The following CPQ variants were observed in gnomAD, a reference collection of about 807,000 sequenced individuals.
CPQ encodes Ser-Met dipeptidase.
CPQ carries 37 observed loss-of-function variants against 45.7 expected under a neutral mutation model. The observed-to-expected ratio is 0.81, with a 90% CI of 0.62 to 1.07. CPQ has a LOEUF of 1.07. CPQ is among the 50% of genes least tolerant of loss of function. The probability of loss-of-function intolerance (pLI) is 0.00; values close to 1 mark genes in which losing one functional copy is unlikely to be tolerated. For missense variants in CPQ, 537 were observed against 572.9 expected, an observed-to-expected ratio of 0.94 and a Z score of 0.64; for synonymous variants, 186 against 205.8, an observed-to-expected ratio of 0.90 and a Z score of 0.82.
intron 2 of CPQ, among the ~76,000 whole-genome samples, chr8:96,819,966 A>T (rs1357915707): frequency 6.6e-6 from 1 of 152,118 alleles, no homozygotes; most frequent in Non-Finnish European, 1.5e-5. Flanking sequence ...GGCACCCATC[A>T]AGTGGAAAGT....
chr8:96,675,197 C>T (rs754453041), intron 1 of CPQ, among the ~76,000 whole-genome samples: 3 of 152,018 alleles, frequency 2.0e-5, no homozygotes, highest in Non-Finnish European at 4.4e-5. Flanking sequence ...CCTCCTTGCT[C>T]TAAGCCACCA....
In CPQ at chr8:97,043,773, T is replaced by G. The variant is rs182993214; in HGVS notation, c.1053+14279T>G. ...AGTTTGGCTGGATATGAAATTCTGGTTTGAAAATTCTTTCCTTTAAGAATG... is the reference window on the plus strand; with the variant it reads ...AGTTTGGCTGGATATGAAATTCTGGGTTGAAAATTCTTTCCTTTAAGAATG... On this transcript the variant is annotated intron_variant, in intron 6 of 7. Coordinates refer to ENST00000220763, the MANE Select transcript of CPQ (RefSeq NM_016134.4). Among the ~76,000 whole-genome samples, 488 of 152,336 alleles carry G rather than the reference T, an allele frequency of 3.2e-3. 5 individuals are homozygous for G. The highest frequency in any genetic ancestry group is 0.013 in the Admixed American group (205 of 15,302).
At position 96,723,961 on chromosome 8, in the gene CPQ, T is replaced by C. The variant is rs538741392; in HGVS notation, c.-34-60903T>C. Among the ~76,000 whole-genome samples the C allele has an allele frequency of 1.8e-4, 27 of 152,176 alleles. No homozygotes were observed. The South Asian group carries it at 5.6e-3, about 32-fold the overall frequency. ...TTAATATAATATAATTTTTAATATA[T>C]AAGTACCCAAGAACCTACCCTAAAC... On this transcript the variant is annotated intron_variant, in intron 1 of 7. Coordinates refer to ENST00000220763, the MANE Select transcript of CPQ (RefSeq NM_016134.4).
At chr8:96,656,572 C>A (rs1815640298) in intron 1 of CPQ, among the ~76,000 whole-genome samples, 1 of 152,092 alleles carries the variant, frequency 6.6e-6, no homozygotes, top group Non-Finnish European at 1.5e-5. Context: ...TTAGAGTGGG[C>A]TCTGAGTCTG....
At chr8:97,004,420 G>C (rs753558601) in intron 5 of CPQ, among the ~76,000 whole-genome samples, 1 of 151,988 alleles carries the variant, frequency 6.6e-6, no homozygotes, top group South Asian at 2.1e-4. Context: ...ATTGGTAAGA[G>C]AGCAATGAAA....
In CPQ at chr8:96,934,364, T is replaced by C. The variant is rs1408628336; in HGVS notation, c.850-31571T>C. Among the ~76,000 whole-genome samples, 6 of 152,088 alleles carry C rather than the reference T, an allele frequency of 3.9e-5. No homozygotes were observed. The East Asian group carries it at 9.7e-4, about 24-fold the overall frequency. On this transcript the variant is annotated intron_variant, in intron 4 of 7. Coordinates refer to ENST00000220763, the MANE Select transcript of CPQ (RefSeq NM_016134.4). ...TGGATGCTGAAGGCCAAGTAGGTGTTAGACTGGGGGAGCTAAGTGAAGAGG... is the reference window on the plus strand; with the variant it reads ...TGGATGCTGAAGGCCAAGTAGGTGTCAGACTGGGGGAGCTAAGTGAAGAGG...
rs563972404 is a variant in CPQ, at chr8:96,777,949, C to T, written c.-34-6915C>T. ...TTCACCGTGTTAGCCAGGATGGTCTCGATATCCTGACTTTGTGATCCGCAT... is the reference window on the plus strand; with the variant it reads ...TTCACCGTGTTAGCCAGGATGGTCTTGATATCCTGACTTTGTGATCCGCAT... On this transcript the variant is annotated intron_variant, in intron 1 of 7. Coordinates refer to ENST00000220763, the MANE Select transcript of CPQ (RefSeq NM_016134.4). Among the ~76,000 whole-genome samples the T allele has an allele frequency of 1.5e-4, 22 of 150,030 alleles. No homozygotes were observed. In the East Asian group the frequency reaches 4.3e-3, roughly 29 times the overall value.
chr8:96,684,838 C>A (rs931953411), intron 1 of CPQ, among the ~76,000 whole-genome samples: 1 of 151,880 alleles, frequency 6.6e-6, no homozygotes, highest in Non-Finnish European at 1.5e-5. Flanking sequence ...TGGTGGCTCA[C>A]GCCTGTCTCC....
At chr8:96,829,555 ACTC>A (rs1811423581) in intron 2 of CPQ, among the ~76,000 whole-genome samples, 1 of 151,890 alleles carries the variant, frequency 6.6e-6, no homozygotes, top group Non-Finnish European at 1.5e-5. Flanking sequence ...TGGCAGGAAT[ACTC>A]CTAATCACTG....
chr8:96,983,722 T>C (rs1813947110), intron 5 of CPQ, among the ~76,000 whole-genome samples: 1 of 152,128 alleles, frequency 6.6e-6, no homozygotes, highest in Non-Finnish European at 1.5e-5. Flanking sequence ...GTTTTATTGC[T>C]TTATACAGTT....
intron 1 of CPQ, among the ~76,000 whole-genome samples, chr8:96,746,825 A>G (rs1810191102): frequency 6.6e-6 from 1 of 152,214 alleles, no homozygotes; most frequent in African/African-American, 2.4e-5. Flanking sequence ...TTGGACATGA[A>G]GAAACTGAGA....
chr8:96,783,022 A>C (rs987842525), intron 1 of CPQ, among the ~76,000 whole-genome samples: 5 of 152,172 alleles, frequency 3.3e-5, no homozygotes, highest in African/African-American at 1.2e-4. Flanking sequence ...TCTAAGAAGA[A>C]TCACTCAAGT....
chr8:96,987,016 T>C (rs1335978277), intron 5 of CPQ, among the ~76,000 whole-genome samples: 1 of 152,104 alleles, frequency 6.6e-6, no homozygotes, highest in African/African-American at 2.4e-5. Context: ...GGTTCCTGAA[T>C]GGGCACAGGT....
Position 96,920,795 on chromosome 8 carries a change from C to A in CPQ, c.849+40790C>A, listed in dbSNP as rs377247640. On this transcript the variant is annotated intron_variant, in intron 4 of 7. Transcript: ENST00000220763. ...ACCTTGTGAAGAGACAGAGAACAGG[C>A]GGCCATCTGCAAGCCACAGAAAGAG... Among the ~76,000 whole-genome samples the A allele has an allele frequency of 9.2e-5, 14 of 152,078 alleles. No homozygotes were observed. In the East Asian group the frequency reaches 1.5e-3, roughly 17 times the overall value.
chr8:96,771,525 T>C (rs1810543409), intron 1 of CPQ, among the ~76,000 whole-genome samples: 2 of 152,094 alleles, frequency 1.3e-5, no homozygotes, highest in Non-Finnish European at 2.9e-5. Context: ...GAAAAATAGA[T>C]ACTAGAAAAC....
intron 1 of CPQ, among the ~76,000 whole-genome samples, chr8:96,715,005 T>A (rs1809656447): frequency 6.6e-6 from 1 of 152,154 alleles, no homozygotes; most frequent in Non-Finnish European, 1.5e-5. Flanking sequence ...TAGTCTCTTG[T>A]GGGGTTGAAA....
chr8:97,114,959 G>A (rs1811558869), intron 7 of CPQ, among the ~76,000 whole-genome samples: 1 of 152,110 alleles, frequency 6.6e-6, no homozygotes, highest in Non-Finnish European at 1.5e-5. Flanking sequence ...ATTTTGAAAT[G>A]TACAGAGCAC....
chr8:96,836,191 T>C (rs1480753574), intron 3 of CPQ, among the ~76,000 whole-genome samples: 3 of 152,146 alleles, frequency 2.0e-5, no homozygotes, highest in African/African-American at 7.2e-5. Flanking sequence ...GAAGTTTATT[T>C]ATTCTGCACA....
rs149683518 is a variant in CPQ, at chr8:97,057,904, C to G, written c.1054-8105C>G. Among the ~76,000 whole-genome samples, 557 of 152,270 alleles carry G rather than the reference C, an allele frequency of 3.7e-3. 1 individual carries two copies. The highest frequency in any genetic ancestry group is 0.012 in the African/African-American group (510 of 41,560). Reference sequence around the variant, plus strand: ...CTTGGGCAGAAGTAGGGCATGAAGTCACTTGAGCAGACCAAGGAGCCCTGA... The same window carrying G: ...CTTGGGCAGAAGTAGGGCATGAAGTGACTTGAGCAGACCAAGGAGCCCTGA... On this transcript the variant is annotated intron_variant, in intron 6 of 7. Coordinates refer to ENST00000220763, the MANE Select transcript of CPQ (RefSeq NM_016134.4).
Sources: gnomAD v4.1 joint callset for allele counts (sites outside exome capture counted in the v4.1 genomes callset) on GRCh38, gnomAD v4.1.1 for gene constraint, MANE v1.5 for transcripts, NCBI Gene and HGNC (gene_info 2026-07-23, HGNC 2026-07-21) for gene names.